The following NUAK1 variants were observed in gnomAD, a reference collection of about 807,000 sequenced individuals.
NUAK1 encodes the protein NUAK family SNF1-like kinase 1.
A neutral mutation model predicts 56.9 loss-of-function variants in NUAK1; 26 were observed. The ratio of observed to expected loss-of-function variants is 0.46; its 90% confidence interval spans 0.33 to 0.63. NUAK1 has a LOEUF of 0.63. Ranked by LOEUF, NUAK1 falls within the 30% of genes least tolerant of loss-of-function variation. The probability of loss-of-function intolerance (pLI) is 0.02; values close to 1 mark genes in which losing one functional copy is unlikely to be tolerated. For missense variants in NUAK1, 727 were observed against 876.1 expected, an observed-to-expected ratio of 0.83 and a Z score of 2.15; for synonymous variants, 337 against 336.0, an observed-to-expected ratio of 1.00 and a Z score of -0.03.
intron 2 of NUAK1, 23 bp downstream of exon 2, chr12:106,106,382 T>A (rs2374587): frequency 0.018 from 14,597 of 789,848 alleles, 5 homozygotes; most frequent in African/African-American, 0.026. Context: ...ATATGGGGGT[T>A]AAAAAAAAAA....
chr12:106,133,228 G>A (rs1348587110), intron 1 of NUAK1, among the ~76,000 whole-genome samples: 1 of 151,986 alleles, frequency 6.6e-6, no homozygotes, highest in Non-Finnish European at 1.5e-5. Context: ...TGAATGCCTT[G>A]GAATGCCCCA....
At chr12:106,086,020 C>A (rs565936755) in intron 3 of NUAK1, among the ~76,000 whole-genome samples, 1 of 152,260 alleles carries the variant, frequency 6.6e-6, no homozygotes, top group Non-Finnish European at 1.5e-5. Flanking sequence ...CTGAGCACAT[C>A]CGTGCATGTA....
rs527602129 is a variant in NUAK1 at position 106,102,156 on chromosome 12, T to C, written c.361+4249A>G. Among the ~76,000 whole-genome samples, 3 of 152,304 alleles carry C rather than the reference T, an allele frequency of 2.0e-5. No homozygotes were observed. The South Asian group carries it at 6.2e-4, about 32-fold the overall frequency. ...CACATGTAAGACCCCGAGAGTTTTC[T>C]GGATAAAAACAACACCTTTTATTTG... On this transcript the variant is annotated intron_variant, in intron 2 of 6. Transcript: ENST00000261402.
chr12:106,120,917 T>C (rs577109293), intron 1 of NUAK1, among the ~76,000 whole-genome samples: 209 of 152,316 alleles, frequency 1.4e-3, no homozygotes, highest in African/African-American at 4.7e-3. Flanking sequence ...ACTTCTGCTG[T>C]CAGCATGCTC....
Position 106,066,262 on chromosome 12 carries a change from A to G in NUAK1, c.*540T>C, listed in dbSNP as rs1272499301. 1 of 158,956 alleles carries G rather than the reference A, an allele frequency of 6.3e-6. No homozygotes were observed. Among genetic ancestry groups the G allele is most frequent in the African/African-American group, 2.4e-5 (1 of 41,482 alleles). 9.8% of individuals were successfully genotyped at this position (158,956 alleles called of 1,614,324 possible). A position where few individuals can be genotyped will look rare whatever the true frequency, so the allele number is the denominator to read the frequency against. The stretch of plus-strand genomic sequence containing the variant: ...TAGTCAATCACAGCACTCCTTCCCC[A>G]TGATGTGGGCCACTTACGCCAGCAC... On this transcript the variant is annotated 3_prime_UTR_variant, in exon 7 of 7. Coordinates refer to ENST00000261402, the MANE Select transcript of NUAK1 (RefSeq NM_014840.3).
intron 1 of NUAK1, among the ~76,000 whole-genome samples, chr12:106,109,021 CA>C (rs2032832557): frequency 6.6e-6 from 1 of 152,160 alleles, no homozygotes; most frequent in Non-Finnish European, 1.5e-5. Context: ...CCTTTTCCTA[CA>C]ATGATTTTTC....
intron 1 of NUAK1, among the ~76,000 whole-genome samples, chr12:106,114,944 T>C (rs1401884974): frequency 6.6e-6 from 1 of 152,216 alleles, no homozygotes; most frequent in Admixed American, 6.5e-5. Flanking sequence ...CTAATGTCTG[T>C]CCTCACATAG....
chr12:106,072,885 C>T (rs760873787), intron 4 of NUAK1, 42 bp from the exon 5 acceptor site: 2 of 1,610,440 alleles, frequency 1.2e-6, no homozygotes, highest in Non-Finnish European at 1.7e-6. Context: ...GTTAGCATTC[C>T]AGATTATGTC....
At chr12:106,103,225 C>T (rs1285932225) in intron 2 of NUAK1, 1 of 152,260 alleles carries the variant, frequency 6.6e-6, no homozygotes. Context: ...CCAGCAACCA[C>T]AGACTGCCTC....
At chr12:106,077,326 G>A (rs974528685) in intron 4 of NUAK1, among the ~76,000 whole-genome samples, 3 of 152,156 alleles carry the variant, frequency 2.0e-5, no homozygotes, top group African/African-American at 7.2e-5. Context: ...ACCTCACATA[G>A]GTAAGAAGAG....
At chr12:106,096,094 C>A (rs947557854) in intron 2 of NUAK1, among the ~76,000 whole-genome samples, 2 of 152,054 alleles carry the variant, frequency 1.3e-5, no homozygotes, top group South Asian at 2.1e-4. Context: ...TGACTGCCTG[C>A]GCAAATTAAG....
Position 106,086,791 on chromosome 12 carries a change from C to T in NUAK1, c.456G>A (p.Glu152=). 6 of 1,614,174 alleles carry T rather than the reference C, an allele frequency of 3.7e-6. No homozygotes were observed. The highest frequency in any genetic ancestry group is 4.2e-6 in the Non-Finnish European group (5 of 1,180,008). ...GCCGGAAGAAGTGCCGGGTCTCCCT[C>T]TCACTGAGGCGTCGCCGCTCACTGA... The part of the protein sequence containing the change: ...DYISERRRLS[E]RETRHFFRQI... The change falls in exon 3 of 7, where the codon GAG becomes GAA. Residue 152 remains glutamate, a synonymous_variant. Transcript: ENST00000261402.
chr12:106,111,228 A>T (rs527817742), intron 1 of NUAK1, among the ~76,000 whole-genome samples: 13 of 152,252 alleles, frequency 8.5e-5, no homozygotes, highest in South Asian at 2.1e-4. Context: ...AGTGATTATA[A>T]ACCACACTTA....
chr12:106,123,807 T>C (rs1024793839), intron 1 of NUAK1, among the ~76,000 whole-genome samples: 1 of 152,096 alleles, frequency 6.6e-6, no homozygotes, highest in African/African-American at 2.4e-5. Context: ...GAGATCTCTT[T>C]CCTCCCCGTC....
At chr12:106,071,976 C>T (rs906515748) in intron 5 of NUAK1, among the ~76,000 whole-genome samples, 1 of 152,104 alleles carries the variant, frequency 6.6e-6, no homozygotes, top group African/African-American at 2.4e-5. Context: ...AAAAGAGAAC[C>T]ATCTTTCAAA....
At chr12:106,076,839 T>C (rs1311427609) in intron 4 of NUAK1, among the ~76,000 whole-genome samples, 1 of 152,036 alleles carries the variant, frequency 6.6e-6, no homozygotes. Context: ...AGGTTGCCAG[T>C]GGCTGGGAGG....
At chr12:106,087,725 T>G (rs558678252) in intron 2 of NUAK1, among the ~76,000 whole-genome samples, 1 of 152,328 alleles carries the variant, frequency 6.6e-6, no homozygotes, top group East Asian at 1.9e-4. Context: ...ATATCTGTAA[T>G]TTTACCATTT....
chr12:106,127,063 T>C (rs2033031201), intron 1 of NUAK1, among the ~76,000 whole-genome samples: 1 of 152,250 alleles, frequency 6.6e-6, no homozygotes, highest in Non-Finnish European at 1.5e-5. Flanking sequence ...TCAGAGTGTG[T>C]GTGGTCCATG....
intron 2 of NUAK1, among the ~76,000 whole-genome samples, chr12:106,087,128 G>A (rs895580365): frequency 1.2e-4 from 18 of 152,182 alleles, no homozygotes; most frequent in African/African-American, 4.3e-4. Flanking sequence ...GGGAAATGTG[G>A]TTCCCTTTTC....
Sources: allele counts gnomAD v4.1 joint callset (sites outside exome capture counted in the v4.1 genomes callset), GRCh38; gene constraint gnomAD v4.1.1; transcripts MANE v1.5; gene names NCBI Gene and HGNC (gene_info 2026-07-23, HGNC 2026-07-21).